PLEKHG4B: variants seen among roughly 807,000 people sequenced by gnomAD.
PLEKHG4B encodes the protein pleckstrin homology domain-containing family G member 4B.
A neutral mutation model predicts 121.3 loss-of-function variants in PLEKHG4B; 111 were observed. That is an observed-to-expected ratio of 0.92 (90% CI 0.78 to 1.07). The LOEUF is 1.07. PLEKHG4B is among the 50% of genes least tolerant of loss of function. PLEKHG4B has a pLI of 0.00. For missense variants in PLEKHG4B, 1,831 were observed against 1,757.8 expected, an observed-to-expected ratio of 1.04 and a Z score of -0.74; for synonymous variants, 738 against 725.0, an observed-to-expected ratio of 1.02 and a Z score of -0.29.
chr5:160,818 G>A (rs1735973546), intron 11 of PLEKHG4B, among the ~76,000 whole-genome samples: 2 of 151,672 alleles, frequency 1.3e-5, no homozygotes, highest in South Asian at 2.1e-4. Context: ...CCAGCTCTGC[G>A]CCACCCCCAC....
At chr5:172,764 G>C in intron 16 of PLEKHG4B, 133 bp from the exon 17 acceptor site, 1 of 968,724 alleles carries the variant, frequency 1.0e-6, no homozygotes, top group Admixed American at 1.9e-5. Context: ...AGGCGGATTT[G>C]CCAGATTTTA....
At chr5:164,826 A>AG in intron 13 of PLEKHG4B, among the ~76,000 whole-genome samples, 1 of 48,934 alleles carries the variant, frequency 2.0e-5, no homozygotes, top group South Asian at 7.5e-4. Flanking sequence ...GCTGTGACGG[A>AG]GCGGAGCTCA....
In PLEKHG4B at chr5:185,918, C is replaced by A. The variant is rs957064616; in HGVS notation, c.*3595C>A. On this transcript the variant is annotated 3_prime_UTR_variant, in exon 20 of 20. Transcript: ENST00000637938. Reference sequence around the variant, plus strand: ...TGGGAATGGAGCCACACCAGCCCCACGGGAGCCCCACGACCCATCGGGCTG... The same window carrying A: ...TGGGAATGGAGCCACACCAGCCCCAAGGGAGCCCCACGACCCATCGGGCTG... 6.6e-6 allele frequency: 1 copy of A among 152,268 alleles called. No homozygotes were observed. The highest frequency in any genetic ancestry group is 1.9e-4 in the East Asian group (1 of 5,184). The allele number at this position is 152,268 out of a possible 1,614,324, so 9.4% of individuals were successfully genotyped here.
At chr5:158,064 A>G (rs2126428626) in intron 11 of PLEKHG4B, among the ~76,000 whole-genome samples, 1 of 152,240 alleles carries the variant, frequency 6.6e-6, no homozygotes, top group Middle Eastern at 3.4e-3. Flanking sequence ...GGAACCCCAC[A>G]CCAGGCAAGT....
rs552486615 is a variant in PLEKHG4B at position 163,353 on chromosome 5, G to A, written c.3281G>A (p.Gly1094Asp). 5.0e-6 allele frequency: 8 copies of A among 1,613,300 alleles called. No individual in the cohort carries two copies. The Middle Eastern group carries it at 4.9e-4, about 100-fold the overall frequency. Residue 1094 changes from glycine (G) to aspartate (D), a missense_variant, in exon 13 of 20, where the codon GGC (glycine) becomes GAC (aspartate). Transcript: ENST00000637938. ...QSFEIPQPDSGPRDSCQPDHT... is the reference protein window; with the variant it reads ...QSFEIPQPDSDPRDSCQPDHT... ...TTCGAGATACCTCAGCCCGACAGTG[G>A]CCCCAGGGACTCCTGCCAGCCAGAC...
rs114156075 is a variant in PLEKHG4B at position 171,121 on chromosome 5, G to A, written c.3808G>A (p.Ala1270Thr). 17 of 1,613,064 alleles carry A rather than the reference G, an allele frequency of 1.1e-5. No individual in the cohort carries two copies. The highest frequency in any genetic ancestry group is 9.3e-5 in the African/African-American group (7 of 74,980). Reference sequence around the variant, plus strand: ...TGCCCTGCTCAGCAGCCATGGCAACGCCTTCTTCAAGGTCATCCCCCTCGG... The same window carrying A: ...TGCCCTGCTCAGCAGCCATGGCAACACCTTCTTCAAGGTCATCCCCCTCGG... ...SDALLSSHGNAFFKDKQRELG... is the reference protein window; with the variant it reads ...SDALLSSHGNTFFKDKQRELG... The change falls in exon 15 of 20, where the codon GCC becomes ACC. Residue 1270 changes from alanine to threonine, a missense_variant. Physicochemically the swap from Ala to Thr is moderately conservative, Grantham distance 58. Transcript: ENST00000637938.
At position 101,367 on chromosome 5, in the gene PLEKHG4B, G is replaced by A. The variant is rs1257823203; in HGVS notation, c.45+9091G>A. Among the ~76,000 whole-genome samples the A allele has an allele frequency of 4.8e-5, 6 of 124,758 alleles. 1 individual carries two copies. Among genetic ancestry groups the A allele is most frequent in the African/African-American group, 2.4e-4 (6 of 25,416 alleles). The allele number at this position is 124,758 out of a possible 152,430, so 81.8% of individuals were successfully genotyped here. A position where few individuals can be genotyped will look rare whatever the true frequency, so the allele number is the denominator to read the frequency against. ...GGAAAAAGCCTGTAGGGGAGAGACT[G>A]TTGTGAGGTTAATCCATATAAAGCC... On this transcript the variant is annotated intron_variant, in intron 1 of 19. Transcript: ENST00000637938.
intron 5 of PLEKHG4B, chr5:143,965 A>G (rs995572543): frequency 5.8e-6 from 1 of 172,474 alleles, no homozygotes; most frequent in African/African-American, 2.4e-5. Flanking sequence ...TTTTTTTGAG[A>G]CAGGGTCTTG....
intron 2 of PLEKHG4B, among the ~76,000 whole-genome samples, chr5:134,377 A>G (rs1028193481): frequency 1.3e-5 from 2 of 151,814 alleles, no homozygotes; most frequent in African/African-American, 4.8e-5. Flanking sequence ...TGCACCCTCC[A>G]CTGTGATGGG....
chr5:107,973 C>T (rs1240400169), intron 1 of PLEKHG4B, among the ~76,000 whole-genome samples: 1 of 152,184 alleles, frequency 6.6e-6, no homozygotes, highest in Non-Finnish European at 1.5e-5. Flanking sequence ...ACAGTAACCA[C>T]ATAGGCTCAG....
At chr5:160,181 G>A (rs1204149196) in intron 11 of PLEKHG4B, among the ~76,000 whole-genome samples, 5 of 152,196 alleles carry the variant, frequency 3.3e-5, no homozygotes, top group South Asian at 2.1e-4. Flanking sequence ...TGGCGGCCTC[G>A]GCACCCTGTG....
At chr5:163,620 G>A in intron 13 of PLEKHG4B, 72 bp downstream of exon 13, 1 of 1,265,440 alleles carries the variant, frequency 7.9e-7, no homozygotes, top group Non-Finnish European at 1.1e-6. Context: ...CATTTAGGCA[G>A]TAAACTCTCT....
intron 2 of PLEKHG4B, among the ~76,000 whole-genome samples, chr5:117,371 A>C (rs1560905341): frequency 6.6e-6 from 1 of 152,312 alleles, no homozygotes; most frequent in African/African-American, 2.4e-5. Context: ...AATCATTATT[A>C]ATAATATTAA....
chr5:143,548 C>A (rs1254058913), intron 5 of PLEKHG4B, 45 bp downstream of exon 5: 3 of 1,599,784 alleles, frequency 1.9e-6, no homozygotes, highest in Non-Finnish European at 2.6e-6. Context: ...CATGGGACCC[C>A]AGCTGCATGT....
rs1339595762 is a variant in PLEKHG4B at position 157,672 on chromosome 5, C to G, written c.2487+761C>G. 6.6e-6 allele frequency among the ~76,000 whole-genome samples: 1 copy of G among 152,136 alleles called. No individual in the cohort carries two copies. Among genetic ancestry groups the G allele is most frequent in the Non-Finnish European group, 1.5e-5 (1 of 68,008 alleles). On this transcript the variant is annotated intron_variant, in intron 11 of 19. Coordinates refer to ENST00000637938, the MANE Select transcript of PLEKHG4B (RefSeq NM_052909.5). This position sits in a 1 kb window ranked among gnomAD's most constrained non-coding sequence, Gnocchi z 4.6. Reference sequence around the variant, plus strand: ...TGATGCTGCTGCCTCATTTTGATGCCCCTCTGGGCCTGACAGTTTAAGGGG... The same window carrying G: ...TGATGCTGCTGCCTCATTTTGATGCGCCTCTGGGCCTGACAGTTTAAGGGG...
At chr5:136,456 T>A (rs990395519) in intron 2 of PLEKHG4B, among the ~76,000 whole-genome samples, 10 of 152,176 alleles carry the variant, frequency 6.6e-5, no homozygotes, top group Middle Eastern at 6.8e-3. Flanking sequence ...AATGAAAAAC[T>A]CCAAAAGCTC....
In PLEKHG4B at chr5:151,201, G is replaced by T. The variant is rs1204582996; in HGVS notation, c.1906-312G>T. 1.3e-5 allele frequency among the ~76,000 whole-genome samples: 2 copies of T among 152,170 alleles called. 1 individual carries two copies. Among genetic ancestry groups the T allele is most frequent in the Admixed American group, 1.3e-4 (2 of 15,276 alleles). Reference sequence around the variant, plus strand: ...ACGAAGAGGCACAAGAGAATTTTGGGGTTGCTTAACAGTTCTTTGTCTTGA... The same window carrying T: ...ACGAAGAGGCACAAGAGAATTTTGGTGTTGCTTAACAGTTCTTTGTCTTGA... On this transcript the variant is annotated intron_variant, in intron 6 of 19. Coordinates refer to ENST00000637938, the MANE Select transcript of PLEKHG4B (RefSeq NM_052909.5).
Position 184,439 on chromosome 5 carries a change from A to T in PLEKHG4B, c.*2116A>T, listed in dbSNP as rs1426969134. The stretch of plus-strand genomic sequence containing the variant: ...TGAGAGGCAGTGGAATGTACTAAGG[A>T]GAAAACTGCCAAATTCACATTCTGT... On this transcript the variant is annotated 3_prime_UTR_variant, in exon 20 of 20. Coordinates refer to ENST00000637938, the MANE Select transcript of PLEKHG4B (RefSeq NM_052909.5). 1 of 152,262 alleles carries T rather than the reference A, an allele frequency of 6.6e-6. No homozygotes were observed. Among genetic ancestry groups the T allele is most frequent in the Non-Finnish European group, 1.5e-5 (1 of 68,048 alleles). The allele number at this position is 152,262 out of a possible 1,614,324, so 9.4% of individuals were successfully genotyped here.
chr5:121,977 G>A (rs1007832436), intron 2 of PLEKHG4B, among the ~76,000 whole-genome samples: 1 of 151,838 alleles, frequency 6.6e-6, no homozygotes, highest in South Asian at 2.1e-4. Context: ...TGTATCATGG[G>A]GTTTTTAATC....
Sources: gnomAD v4.1 joint callset for allele counts (sites outside exome capture counted in the v4.1 genomes callset) on GRCh38, gnomAD v4.1.1 for gene constraint, Gnocchi (gnomAD v3.1) non-coding constraint, MANE v1.5 for transcripts, NCBI Gene and HGNC (gene_info 2026-07-23, HGNC 2026-07-21) for gene names.